LRRC40: variants seen among roughly 807,000 people sequenced by gnomAD.
LRRC40 encodes leucine-rich repeat-containing protein 40.
LRRC40 carries 76 observed loss-of-function variants against 72.8 expected under a neutral mutation model. The ratio of observed to expected loss-of-function variants is 1.04; its 90% confidence interval spans 0.87 to 1.26. The LOEUF (loss-of-function observed/expected upper bound fraction) is 1.26, where lower values mean the gene tolerates loss of function less well. LRRC40 is among the 50% of genes most tolerant of loss of function. The pLI is 0.00. For missense variants in LRRC40, 684 were observed against 698.9 expected (o/e 0.98, Z 0.24); for synonymous variants, 243 against 254.2 (o/e 0.96, Z 0.42).
intron 3 of LRRC40, among the ~76,000 whole-genome samples, chr1:70,186,896 A>G (rs1668371930): frequency 6.6e-6 from 1 of 152,320 alleles, no homozygotes; most frequent in Admixed American, 6.5e-5. Flanking sequence ...GAATTGTTTT[A>G]CATTTCTTCC....
chr1:70,201,623 T>C (rs1366614762), intron 1 of LRRC40, among the ~76,000 whole-genome samples: 1 of 152,106 alleles, frequency 6.6e-6, no homozygotes, highest in Non-Finnish European at 1.5e-5. Context: ...AATGAGCATA[T>C]GAAAAGACAC....
intron 2 of LRRC40, among the ~76,000 whole-genome samples, chr1:70,187,790 C>A (rs916014195): frequency 6.7e-5 from 10 of 149,310 alleles, no homozygotes; most frequent in Admixed American, 2.0e-4. Context: ...CACATTGTGC[C>A]ACTGCACTCC....
intron 1 of LRRC40, among the ~76,000 whole-genome samples, chr1:70,196,685 C>T (rs1668618983): frequency 6.6e-6 from 1 of 151,782 alleles, no homozygotes; most frequent in East Asian, 1.9e-4. Flanking sequence ...TTTAAAAGAA[C>T]TAAAATTAAT....
At chr1:70,205,343 A>G in intron 1 of LRRC40, 47 bp downstream of exon 1, 3 of 1,495,446 alleles carry the variant, frequency 2.0e-6, no homozygotes, top group South Asian at 2.8e-5. Flanking sequence ...CCTGGGCCAA[A>G]GGCTTTCTGA....
At chr1:70,182,890 C>T (rs962374667) in intron 4 of LRRC40, among the ~76,000 whole-genome samples, 2 of 152,068 alleles carry the variant, frequency 1.3e-5, no homozygotes, top group South Asian at 2.1e-4. Context: ...ATTATGTAAA[C>T]GAGTCTCTGG....
intron 1 of LRRC40, among the ~76,000 whole-genome samples, chr1:70,202,248 A>G (rs1322366392): frequency 6.6e-6 from 1 of 152,210 alleles, no homozygotes; most frequent in Non-Finnish European, 1.5e-5. Context: ...ATAAATGTTT[A>G]CAGCTGCTTT....
chr1:70,171,485 A>G (rs966792137), intron 9 of LRRC40, among the ~76,000 whole-genome samples: 2 of 152,178 alleles, frequency 1.3e-5, no homozygotes, highest in Non-Finnish European at 2.9e-5. Flanking sequence ...GAACACTTAC[A>G]GCTCAATGAT....
chr1:70,189,297 G>GCA, intron 1 of LRRC40, 24 bp from the exon 2 acceptor site: 2 of 770,630 alleles, frequency 2.6e-6, no homozygotes, highest in Non-Finnish European at 3.4e-6. Flanking sequence ...CACCACACCA[G>GCA]GAAAAAAAAA....
intron 5 of LRRC40, chr1:70,180,137 G>C (rs1668209665): frequency 6.6e-6 from 1 of 151,444 alleles, no homozygotes; most frequent in Non-Finnish European, 1.5e-5. Context: ...TTTATTTTTT[G>C]AGAGAGAGAG....
At chr1:70,163,225 G>A (rs970591420) in intron 9 of LRRC40, among the ~76,000 whole-genome samples, 11 of 151,934 alleles carry the variant, frequency 7.2e-5, no homozygotes, top group African/African-American at 1.5e-4. Context: ...ACAGGCACGC[G>A]CCACCATGGA....
At chr1:70,157,599 T>C (rs1039820689) in intron 10 of LRRC40, among the ~76,000 whole-genome samples, 5 of 152,058 alleles carry the variant, frequency 3.3e-5, no homozygotes, top group African/African-American at 1.2e-4. Flanking sequence ...TAGATCCCCT[T>C]AGAATAGAGA....
chr1:70,192,157 T>G (rs1026856039), intron 1 of LRRC40, among the ~76,000 whole-genome samples: 2 of 152,134 alleles, frequency 1.3e-5, no homozygotes, highest in Non-Finnish European at 2.9e-5. Flanking sequence ...AGCAGTGTTT[T>G]GTAATTCTCA....
rs755458611 is a variant in LRRC40, at chr1:70,178,985, G to T, written c.670C>A (p.His224Asn). 8 of 1,587,104 alleles carry T rather than the reference G, an allele frequency of 5.0e-6. No homozygotes were observed. Among genetic ancestry groups the T allele is most frequent in the Non-Finnish European group, 6.9e-6 (8 of 1,164,926 alleles). The change falls in exon 6 of 15, where the codon CAT becomes AAT. Residue 224 changes from histidine to asparagine, a missense_variant. Physicochemically the swap from His to Asn is moderately conservative, Grantham distance 68. Transcript: ENST00000370952. ...AAGAGATTTGAATTACAATCCAAAT[G>T]CTTCAACCCTGTAATATATATTCAG... is the stretch of plus-strand genomic sequence containing the variant. The part of the protein sequence containing the change: ...AEINRMKRLK[H>N]LDCNSNLLET...
intron 7 of LRRC40, among the ~76,000 whole-genome samples, chr1:70,173,994 A>G (rs535351578): frequency 5.7e-4 from 87 of 152,198 alleles, no homozygotes; most frequent in African/African-American, 2.1e-3. Flanking sequence ...TGTTAAACAT[A>G]AATTTGAATG....
At chr1:70,173,824 A>C (rs1668048266) in intron 7 of LRRC40, 115 bp from the exon 8 acceptor site, 2 of 517,254 alleles carry the variant, frequency 3.9e-6, no homozygotes, top group Non-Finnish European at 6.8e-6. Context: ...TCTCAAAGAA[A>C]GGCCAAGTAA....
rs36095627 is a variant in LRRC40 at position 70,158,871 on chromosome 1, CT to C, written c.1220+458del. 7.9e-5 allele frequency among the ~76,000 whole-genome samples: 12 copies of C among 151,272 alleles called. No homozygotes were observed. In the South Asian group the frequency reaches 1.3e-3, roughly 16 times the overall value. ...GAACTTTATTATCAATACTGTCATT[CT>C]TTTTTTTTATAACAATAAAATGTTC... On this transcript the variant is annotated intron_variant, in intron 10 of 14. Transcript: ENST00000370952.
intron 14 of LRRC40, 72 bp downstream of exon 14, chr1:70,148,415 G>C: frequency 7.6e-7 from 1 of 1,309,022 alleles, no homozygotes; most frequent in Non-Finnish European, 1.0e-6. Context: ...AAATTTATCT[G>C]AAAAAGAAAA....
At position 70,181,101 on chromosome 1, in the gene LRRC40, T is replaced by A. The variant is rs753150820; in HGVS notation, c.646A>T (p.Ile216Leu). Residue 216 changes from isoleucine (I) to leucine (L), a missense_variant, in exon 5 of 15, where the codon ATA (isoleucine) becomes TTA (leucine). Ile to Leu is a conservative substitution (Grantham distance 5). Coordinates refer to ENST00000370952, the MANE Select transcript of LRRC40 (RefSeq NM_017768.5). ...AAATATTTACTTTTCATTCTATTTA[T>A]TTCTGCTGGCAAACTCTTCAGTTCA... The part of the protein sequence containing the change: ...SNELKSLPAE[I>L]NRMKRLKHLD... 34 of 1,545,160 alleles carry A rather than the reference T, an allele frequency of 2.2e-5. No individual in the cohort carries two copies. In the South Asian group the frequency reaches 4.0e-4, roughly 18 times the overall value.
chr1:70,155,798 TA>T lies in LRRC40; in HGVS notation c.1221-3del. 6.6e-7 allele frequency: 1 copy of T among 1,507,660 alleles called. No individual in the cohort carries two copies. The highest frequency in any genetic ancestry group is 1.2e-5 in the South Asian group (1 of 80,356). 93.4% of individuals were successfully genotyped at this position (1,507,660 alleles called of 1,614,324 possible). On this transcript the variant is annotated splice_region_variant and splice_polypyrimidine_tract_variant and intron_variant, in intron 10 of 14. Transcript: ENST00000370952. ...GGAATCAAAGTTGCTTGTTTATCAC[TA>T]AATGAAAAATGGTTTTAAAAAACGA...
Sources: gnomAD v4.1 joint callset for allele counts (sites outside exome capture counted in the v4.1 genomes callset) on GRCh38, gnomAD v4.1.1 for gene constraint, MANE v1.5 for transcripts, NCBI Gene and HGNC (gene_info 2026-07-23, HGNC 2026-07-21) for gene names.